Variants in PRC1 observed in about 807,000 individuals in gnomAD.
PRC1 encodes the protein anaphase spindle elongation 1 homolog.
Under a neutral mutation model 91.2 loss-of-function variants are expected in PRC1, and 54 were observed. That is an observed-to-expected ratio of 0.59 (90% CI 0.48 to 0.74). PRC1 has a LOEUF of 0.74. PRC1 is among the 30% of genes least tolerant of loss of function. The probability of loss-of-function intolerance (pLI) is 0.00; values close to 1 mark genes in which losing one functional copy is unlikely to be tolerated. For synonymous variants in PRC1, 275 were observed against 263.6 expected, an observed-to-expected ratio of 1.04 and a Z score of -0.42; for missense variants, 727 against 746.2, an observed-to-expected ratio of 0.97 and a Z score of 0.30.
chr15:90,993,018 G>C (rs554765548), intron 1 of PRC1, among the ~76,000 whole-genome samples: 1 of 124,744 alleles, frequency 8.0e-6, no homozygotes, highest in East Asian at 2.7e-4. Flanking sequence ...AAGCTGCAGT[G>C]AGCAATCTCG....
rs996079947 is a variant in PRC1, at chr15:90,981,849, T to A, written c.400A>T (p.Ile134Phe). 3.1e-6 allele frequency: 5 copies of A among 1,614,122 alleles called. No individual in the cohort carries two copies. The highest frequency in any genetic ancestry group is 3.4e-6 in the Non-Finnish European group (4 of 1,180,046). ...ATATCATAGTGGGGCATACAAAGAA[T>A]TTCGCACAGTTCTTGATCTTGCTCT... The part of the protein sequence containing the change: ...LQEQDQELCE[I>F]LCMPHYDIDS... Residue 134 changes from isoleucine (I) to phenylalanine (F), a missense_variant, in exon 4 of 15, where the codon ATT becomes TTT. Transcript: ENST00000394249.
intron 14 of PRC1, chr15:90,968,351 G>C: frequency 1.0e-6 from 1 of 985,554 alleles, no homozygotes; most frequent in Non-Finnish European, 1.2e-6. Context: ...TTGGCCAACT[G>C]TTCCATTCTC....
chr15:90,974,767 A>G lies in PRC1; in HGVS notation c.1204-36T>C, dbSNP rs775416216. ...AAACAAGGACATGTTAATTACTTCAACTCTTTAGTGCAAAGCCCAAATGAA... is the reference window on the plus strand; with the variant it reads ...AAACAAGGACATGTTAATTACTTCAGCTCTTTAGTGCAAAGCCCAAATGAA... On this transcript the variant is annotated intron_variant, in intron 9 of 14. Transcript: ENST00000394249. This position sits in a 1 kb window ranked among gnomAD's most constrained non-coding sequence, Gnocchi z 4.6. The G allele has an allele frequency of 1.9e-6, 3 of 1,611,768 alleles. No individual in the cohort carries two copies. Among genetic ancestry groups the G allele is most frequent in the East Asian group, 4.5e-5 (2 of 44,856 alleles).
chr15:90,972,551 C>G (rs1596286486), intron 11 of PRC1, among the ~76,000 whole-genome samples: 1 of 151,916 alleles, frequency 6.6e-6, no homozygotes, highest in East Asian at 1.9e-4. Context: ...AAGACCCTAG[C>G]CAACATGGAG....
intron 1 of PRC1, among the ~76,000 whole-genome samples, chr15:90,985,482 C>T (rs1480240986): frequency 6.6e-6 from 1 of 151,886 alleles, no homozygotes; most frequent in East Asian, 1.9e-4. Flanking sequence ...CCGCCCTCCT[C>T]GGCCTCCCAA....
chr15:90,980,098 A>G (rs964654776), intron 7 of PRC1, 144 bp downstream of exon 7: 14 of 956,500 alleles, frequency 1.5e-5, no homozygotes, highest in Admixed American at 7.1e-5. Context: ...TGAAGACCCC[A>G]CTTTTGGCTG....
At chr15:90,972,014 C>T (rs761651095) in intron 11 of PRC1, among the ~76,000 whole-genome samples, 22 of 150,978 alleles carry the variant, frequency 1.5e-4, no homozygotes, top group Admixed American at 7.2e-4. Flanking sequence ...GGCAACAGAG[C>T]GAGACTCCGT....
chr15:90,967,459 G>A (rs535745491), intron 14 of PRC1: 9 of 516,276 alleles, frequency 1.7e-5, no homozygotes, highest in African/African-American at 1.7e-4. Context: ...CCTCACAGAA[G>A]AGAAATCCTT....
intron 14 of PRC1, chr15:90,968,610 G>A (rs2037754698): frequency 6.0e-6 from 6 of 995,866 alleles, no homozygotes; most frequent in Admixed American, 5.5e-5. Context: ...AAGAGGCAAA[G>A]GTGAGGAAAT....
At chr15:90,983,088 AAAAG>A (rs1266809794) in intron 3 of PRC1, among the ~76,000 whole-genome samples, 2 of 152,190 alleles carry the variant, frequency 1.3e-5, no homozygotes, top group East Asian at 1.9e-4. Context: ...GGAATGTGAA[AAAAG>A]AAAGAGAAAC....
intron 1 of PRC1, among the ~76,000 whole-genome samples, chr15:90,986,285 A>G (rs1478216255): frequency 1.1e-4 from 17 of 152,256 alleles, no homozygotes; most frequent in South Asian, 2.1e-4. Flanking sequence ...CTAGATGTCT[A>G]TCAACAGAAT....
intron 12 of PRC1, 43 bp downstream of exon 12, chr15:90,970,361 A>G: frequency 1.4e-6 from 2 of 1,421,142 alleles, no homozygotes; most frequent in South Asian, 2.3e-5. Context: ...TGAACAGGCT[A>G]GGGACGCATG....
chr15:90,986,834 T>TC (rs1457344643), intron 1 of PRC1, among the ~76,000 whole-genome samples: 1 of 151,920 alleles, frequency 6.6e-6, no homozygotes, highest in Non-Finnish European at 1.5e-5. Context: ...TCAAATCTTT[T>TC]CATTTTTTTA....
intron 3 of PRC1, chr15:90,983,790 C>A: frequency 2.4e-6 from 1 of 411,234 alleles, no homozygotes; most frequent in Admixed American, 4.0e-5. Context: ...TAAGCAGCAG[C>A]TTCTTTTTGA....
intron 9 of PRC1, among the ~76,000 whole-genome samples, chr15:90,975,654 C>T (rs2038616542): frequency 6.6e-6 from 1 of 152,056 alleles, no homozygotes; most frequent in Admixed American, 6.6e-5. Flanking sequence ...CCCCCAGTAC[C>T]TCAGAATGTG....
At chr15:90,992,187 C>T (rs979342989) in intron 1 of PRC1, among the ~76,000 whole-genome samples, 14 of 152,100 alleles carry the variant, frequency 9.2e-5, no homozygotes, top group African/African-American at 2.4e-5. Flanking sequence ...TCTTTAAAAC[C>T]ACAACCCCCC....
At chr15:90,981,471 C>T in intron 5 of PRC1, 28 bp downstream of exon 5, 1 of 1,612,502 alleles carries the variant, frequency 6.2e-7, no homozygotes, top group African/African-American at 1.3e-5. Context: ...CTACGGAGAT[C>T]CTAGGGCATA....
intron 11 of PRC1, among the ~76,000 whole-genome samples, chr15:90,973,376 G>C (rs1032231409): frequency 1.3e-5 from 2 of 152,206 alleles, no homozygotes; most frequent in Non-Finnish European, 2.9e-5. Flanking sequence ...CGATTAACCA[G>C]GGGCACGATG....
chr15:90,980,480 A>T (rs762393183), intron 6 of PRC1, 91 bp from the exon 7 acceptor site: 2 of 1,333,976 alleles, frequency 1.5e-6, no homozygotes, highest in Non-Finnish European at 2.0e-6. Flanking sequence ...TAAAATTATA[A>T]TGCAAAGCCA....
Sources: allele counts gnomAD v4.1 joint callset (sites outside exome capture counted in the v4.1 genomes callset), GRCh38; gene constraint gnomAD v4.1.1; non-coding constraint Gnocchi (gnomAD v3.1); transcripts MANE v1.5; gene names NCBI Gene and HGNC (gene_info 2026-07-23, HGNC 2026-07-21).